Variants in UBE2O observed in about 807,000 individuals in gnomAD.
UBE2O encodes (E3-independent) E2 ubiquitin-conjugating enzyme.
In UBE2O, 15 loss-of-function variants were observed where a neutral mutation model predicts 125.8. That is an observed-to-expected ratio of 0.12 (90% CI 0.08 to 0.18). The LOEUF is 0.18. Among genes scored for constraint, UBE2O ranks in the 10% least tolerant of loss-of-function variants. The pLI, the probability that UBE2O is intolerant of heterozygous loss-of-function variation, is 1.00. For synonymous variants in UBE2O, 708 were observed against 703.2 expected (o/e 1.01, Z -0.11); for missense variants, 1,280 against 1,723.6 (o/e 0.74, Z 4.56).
intron 1 of UBE2O, among the ~76,000 whole-genome samples, chr17:76,445,143 T>C (rs953255352): frequency 6.6e-6 from 1 of 152,158 alleles, no homozygotes; most frequent in Non-Finnish European, 1.5e-5. Flanking sequence ...CCTCTCTTTT[T>C]AAGGGTGCCT....
chr17:76,391,156 G>C lies in UBE2O; in HGVS notation c.3666C>G (p.Thr1222=). The change falls in exon 18 of 18, where the codon ACC becomes ACG. Residue 1222 remains threonine, a synonymous_variant. Coordinates refer to ENST00000319380, the MANE Select transcript of UBE2O (RefSeq NM_022066.4). This position sits in a 1 kb window ranked among gnomAD's most constrained non-coding sequence, Gnocchi z 8.4. ...SRDHTDQTSE[T]APDASVPPSV... The stretch of plus-strand genomic sequence containing the variant: ...TGGGTGGCACCGATGCGTCTGGTGC[G>C]GTCTCCGAAGTCTGGTCTGTGTGGT... 2 of 1,613,626 alleles carry C rather than the reference G, an allele frequency of 1.2e-6. No homozygotes were observed. Among genetic ancestry groups the C allele is most frequent in the Non-Finnish European group, 1.7e-6 (2 of 1,179,766 alleles).
At position 76,390,150 on chromosome 17, in the gene UBE2O, C is replaced by G. The variant is rs1343001612; in HGVS notation, c.*793G>C. ...ATGTGATGGGGGAGGGGCCCTAGCA[C>G]TTGCCCTGGCCTTGTGCAGCTGCTC... On this transcript the variant is annotated 3_prime_UTR_variant, in exon 18 of 18. Transcript: ENST00000319380. 1 of 152,684 alleles carries G rather than the reference C, an allele frequency of 6.5e-6. No homozygotes were observed. The highest frequency in any genetic ancestry group is 1.5e-5 in the Non-Finnish European group (1 of 68,138). 9.5% of individuals were successfully genotyped at this position (152,684 alleles called of 1,614,324 possible). A position where few individuals can be genotyped will look rare whatever the true frequency, so the allele number is the denominator to read the frequency against.
Position 76,400,053 on chromosome 17 carries a change from C to A in UBE2O, c.1155+94G>T. 2 of 1,542,480 alleles carry A rather than the reference C, an allele frequency of 1.3e-6. No individual in the cohort carries two copies. The highest frequency in any genetic ancestry group is 1.8e-6 in the Non-Finnish European group (2 of 1,140,968). On this transcript the variant is annotated intron_variant, in intron 8 of 17. Coordinates refer to ENST00000319380, the MANE Select transcript of UBE2O (RefSeq NM_022066.4). The surrounding 1 kb of genome is among the most constrained non-coding windows in gnomAD (Gnocchi z 4.3). ...GGCAAGGGTCATCAGGGCTGCCCCC[C>A]AAGGCCTAAAGCACAGACTGTCCTT... is the stretch of plus-strand genomic sequence containing the variant.
In UBE2O at chr17:76,398,211, C is replaced by T; in HGVS notation, c.2025+44G>A. On this transcript the variant is annotated intron_variant, in intron 12 of 17. Coordinates refer to ENST00000319380, the MANE Select transcript of UBE2O (RefSeq NM_022066.4). The surrounding 1 kb of genome is among the most constrained non-coding windows in gnomAD (Gnocchi z 5.4). The stretch of plus-strand genomic sequence containing the variant: ...AGCATCAGGGACTGCAGCTGGTGCA[C>T]AGGGCAGTGAGCAGCCATCCAGAAC... 1 of 1,612,874 alleles carries T rather than the reference C, an allele frequency of 6.2e-7. No individual in the cohort carries two copies. The highest frequency in any genetic ancestry group is 1.1e-5 in the South Asian group (1 of 91,008).
chr17:76,408,119 C>G (rs1032224573), intron 1 of UBE2O, among the ~76,000 whole-genome samples: 2 of 152,152 alleles, frequency 1.3e-5, no homozygotes, highest in Non-Finnish European at 2.9e-5. Flanking sequence ...AAGCCCATAC[C>G]CTCCCATCTG....
intron 1 of UBE2O, among the ~76,000 whole-genome samples, chr17:76,434,378 G>T (rs1184787565): frequency 6.6e-6 from 1 of 152,180 alleles, no homozygotes; most frequent in East Asian, 1.9e-4. Flanking sequence ...GAGAAACGGA[G>T]AGGAAGGAAA....
At chr17:76,429,569 A>T (rs1226870146) in intron 1 of UBE2O, among the ~76,000 whole-genome samples, 1 of 150,910 alleles carries the variant, frequency 6.6e-6, no homozygotes, top group Non-Finnish European at 1.5e-5. Flanking sequence ...AAAAAAGTTA[A>T]AAAAGTTGAG....
Position 76,405,247 on chromosome 17 carries a change from T to C in UBE2O, c.547A>G (p.Ile183Val). 4 of 1,613,372 alleles carry C rather than the reference T, an allele frequency of 2.5e-6. No homozygotes were observed. Among genetic ancestry groups the C allele is most frequent in the Non-Finnish European group, 3.4e-6 (4 of 1,179,562 alleles). Residue 183 changes from isoleucine to valine, a missense_variant, in exon 3 of 18, where the codon ATC becomes GTC. Physicochemically the swap from Ile to Val is conservative, Grantham distance 29. This residue lies in a region of UBE2O where 206 missense variants were observed against 315.7 expected (regional missense o/e 0.65). Transcript: ENST00000319380. This position sits in a 1 kb window ranked among gnomAD's most constrained non-coding sequence, Gnocchi z 6.1. ...TCCTTGCTGTTGACGGGATAGATGATGCAGTTGGTGCCGATGAGCTTGACG... is the reference window on the plus strand; with the variant it reads ...TCCTTGCTGTTGACGGGATAGATGACGCAGTTGGTGCCGATGAGCTTGACG... ...CAVKLIGTNC[I>V]IYPVNSKDLQ...
At chr17:76,408,103 C>T (rs545207211) in intron 1 of UBE2O, among the ~76,000 whole-genome samples, 1 of 152,312 alleles carries the variant, frequency 6.6e-6, no homozygotes, top group Admixed American at 6.5e-5. Context: ...CTGGCTTTCT[C>T]CAAATAAGCC....
At chr17:76,430,457 C>A in intron 1 of UBE2O, 1 of 248,482 alleles carries the variant, frequency 4.0e-6, no homozygotes, top group South Asian at 4.8e-5. Context: ...CTGGCCCTCC[C>A]TGTTGGCAGC....
chr17:76,449,387 C>A (rs934492538), intron 1 of UBE2O, among the ~76,000 whole-genome samples: 8 of 152,158 alleles, frequency 5.3e-5, no homozygotes, highest in Non-Finnish European at 1.0e-4. Context: ...CCAGCCTGGC[C>A]AAAATGGCAA....
At chr17:76,413,499 T>G (rs1376626943) in intron 1 of UBE2O, among the ~76,000 whole-genome samples, 1 of 152,194 alleles carries the variant, frequency 6.6e-6, no homozygotes, top group Non-Finnish European at 1.5e-5. Context: ...TAAGTACTAT[T>G]AGGTTGGCAA....
rs1052347308 is a variant in UBE2O at position 76,399,049 on chromosome 17, CAGAG to C, written c.1629-62_1629-59del. 350 of 1,586,118 alleles carry C rather than the reference CAGAG, an allele frequency of 2.2e-4. No homozygotes were observed. Among genetic ancestry groups the C allele is most frequent in the Non-Finnish European group, 2.9e-4 (342 of 1,167,480 alleles). ...AACCCCACCCCCTCCGCGGAAAGGGCAGAGAGTCTTTCTGTCCCTTCCTGTCCCT... is the reference window on the plus strand; with the variant it reads ...AACCCCACCCCCTCCGCGGAAAGGGCAGTCTTTCTGTCCCTTCCTGTCCCT... On this transcript the variant is annotated intron_variant, in intron 9 of 17. Transcript: ENST00000319380. The surrounding 1 kb of genome is among the most constrained non-coding windows in gnomAD (Gnocchi z 6.9).
At chr17:76,443,698 A>C (rs1445319067) in intron 1 of UBE2O, among the ~76,000 whole-genome samples, 3 of 152,162 alleles carry the variant, frequency 2.0e-5, no homozygotes, top group Non-Finnish European at 4.4e-5. Flanking sequence ...GCTATCAAGT[A>C]AGCAGCTGGG....
At chr17:76,443,770 G>A (rs2073112171) in intron 1 of UBE2O, among the ~76,000 whole-genome samples, 1 of 152,076 alleles carries the variant, frequency 6.6e-6, no homozygotes, top group African/African-American at 2.4e-5. Context: ...CAAGCAGGGA[G>A]GTCACTCCAA....
chr17:76,424,918 T>G (rs1426486530), intron 1 of UBE2O, among the ~76,000 whole-genome samples: 1 of 150,886 alleles, frequency 6.6e-6, no homozygotes, highest in African/African-American at 2.4e-5. Context: ...TCACCCAGGC[T>G]GGAGTGCAGT....
Position 76,405,679 on chromosome 17 carries a change from A to T in UBE2O, c.418-107T>A, listed in dbSNP as rs1328160459. ...GCGTCACATCCACACTGCTAAGTGC[A>T]CAAATCCTAAGCGTTTGGCTAGCAG... On this transcript the variant is annotated intron_variant, in intron 1 of 17. Coordinates refer to ENST00000319380, the MANE Select transcript of UBE2O (RefSeq NM_022066.4). The surrounding 1 kb of genome is among the most constrained non-coding windows in gnomAD (Gnocchi z 6.1). The T allele has an allele frequency of 7.1e-6, 7 of 979,176 alleles. No homozygotes were observed. In the East Asian group the frequency reaches 1.6e-4, roughly 22 times the overall value. The allele number at this position is 979,176 out of a possible 1,614,324, so 60.7% of individuals were successfully genotyped here. A position where few individuals can be genotyped will look rare whatever the true frequency, so the allele number is the denominator to read the frequency against.
chr17:76,417,596 T>C (rs2143788997), intron 1 of UBE2O, among the ~76,000 whole-genome samples: 1 of 152,262 alleles, frequency 6.6e-6, no homozygotes, highest in Non-Finnish European at 1.5e-5. Context: ...TAAGAGGACA[T>C]GGATGGAGGC....
At chr17:76,443,610 A>G (rs1811459) in intron 1 of UBE2O, among the ~76,000 whole-genome samples, 7,694 of 151,058 alleles carry the variant, frequency 0.051, 363 homozygotes, top group African/African-American at 0.13. Context: ...TTTTTTTTTA[A>G]GTCCACAGAC....
Sources: gnomAD v4.1 joint callset for allele counts (sites outside exome capture counted in the v4.1 genomes callset) on GRCh38, gnomAD v4.1.1 for gene constraint, gnomAD v4.1.1 regional missense constraint, Gnocchi (gnomAD v3.1) non-coding constraint, MANE v1.5 for transcripts, NCBI Gene and HGNC (gene_info 2026-07-23, HGNC 2026-07-21) for gene names.